Variants in DOCK1 observed in about 807,000 individuals in gnomAD.
The protein encoded by DOCK1 is dedicator of cytokinesis 1, also known as dedicator of cytokinesis protein 1.
A neutral mutation model predicts 262.7 loss-of-function variants in DOCK1; 138 were observed. The observed-to-expected ratio is 0.53, with a 90% confidence interval of 0.46 to 0.61. DOCK1 has a LOEUF of 0.61. DOCK1 is among the 20% of genes least tolerant of loss of function. The pLI is 0.00. For missense variants in DOCK1, 1,908 were observed against 2,370.7 expected (o/e 0.80, Z 4.05); for synonymous variants, 866 against 867.4 (o/e 1.00, Z 0.03).
At chr10:127,164,947 C>T (rs1420265249) in intron 27 of DOCK1, among the ~76,000 whole-genome samples, 4 of 151,918 alleles carry the variant, frequency 2.6e-5, no homozygotes, top group African/African-American at 4.8e-5. Flanking sequence ...CAGCTGAGGC[C>T]GAGTTGATTA....
At chr10:126,975,682 T>C (rs1028159357) in intron 2 of DOCK1, among the ~76,000 whole-genome samples, 1 of 151,578 alleles carries the variant, frequency 6.6e-6, no homozygotes, top group Admixed American at 6.6e-5. Flanking sequence ...TGGAGTGCAG[T>C]GGCATGATCT....
chr10:127,255,228 C>T (rs2059790019), intron 28 of DOCK1, among the ~76,000 whole-genome samples: 1 of 151,918 alleles, frequency 6.6e-6, no homozygotes, highest in African/African-American at 2.4e-5. Context: ...AGCAAGATGC[C>T]ATTTCTACTA....
Position 126,941,677 on chromosome 10 carries a change from C to A in DOCK1, c.47-29025C>A, listed in dbSNP as rs1032909077. Among the ~76,000 whole-genome samples, 6 of 152,036 alleles carry A rather than the reference C, an allele frequency of 3.9e-5. No individual in the cohort carries two copies. The East Asian group carries it at 5.9e-4, about 15-fold the overall frequency. On this transcript the variant is annotated intron_variant, in intron 1 of 51. Coordinates refer to ENST00000623213, the MANE Select transcript of DOCK1 (RefSeq NM_001290223.2). ...GGCTGAGGCAGGAGAATGGCGTGAACCCGGGAGGCGGAGCTTGCAGTGAGC... is the reference window on the plus strand; with the variant it reads ...GGCTGAGGCAGGAGAATGGCGTGAAACCGGGAGGCGGAGCTTGCAGTGAGC...
intron 27 of DOCK1, among the ~76,000 whole-genome samples, chr10:127,163,799 CTTT>C (rs531750560): frequency 1.3e-4 from 17 of 129,172 alleles, no homozygotes; most frequent in South Asian, 2.5e-4. Flanking sequence ...TAAAGCCTTC[CTTT>C]TTTTTTTTTT....
At chr10:127,318,471 G>A (rs2062379059) in intron 29 of DOCK1, among the ~76,000 whole-genome samples, 1 of 152,194 alleles carries the variant, frequency 6.6e-6, no homozygotes, top group Non-Finnish European at 1.5e-5. Context: ...TGTGCAGGAG[G>A]CAGTAGCCTC....
At chr10:127,255,623 C>T (rs1277576921) in intron 28 of DOCK1, among the ~76,000 whole-genome samples, 2 of 152,156 alleles carry the variant, frequency 1.3e-5, no homozygotes, top group African/African-American at 2.4e-5. Flanking sequence ...CCACTAGATG[C>T]AGCATTTTGT....
chr10:126,948,711 G>C (rs937788237), intron 1 of DOCK1, among the ~76,000 whole-genome samples: 3 of 151,976 alleles, frequency 2.0e-5, no homozygotes, highest in Non-Finnish European at 4.4e-5. Flanking sequence ...CCTGTGATGC[G>C]GGCGCCCAGC....
chr10:127,145,875 G>T lies in DOCK1; in HGVS notation c.2847+18111G>T, dbSNP rs200519949. ...CATTAGCTGCTTGTGTGTGTCATCT[G>T]GTGTCACCAGTGACCGGTCTAAACG... On this transcript the variant is annotated intron_variant, in intron 27 of 51. Transcript: ENST00000623213. 32 of 409,518 alleles carry T rather than the reference G, an allele frequency of 7.8e-5. No individual in the cohort carries two copies. In the East Asian group the frequency reaches 1.7e-3, roughly 22 times the overall value. The allele number at this position is 409,518 out of a possible 1,614,324, so 25.4% of individuals were successfully genotyped here. A position where few individuals can be genotyped will look rare whatever the true frequency, so the allele number is the denominator to read the frequency against.
chr10:126,986,986 C>G (rs1434291085), intron 4 of DOCK1, among the ~76,000 whole-genome samples: 1 of 152,154 alleles, frequency 6.6e-6, no homozygotes, highest in Non-Finnish European at 1.5e-5. Flanking sequence ...AGAGTTTAAT[C>G]AGAGTTGGCA....
chr10:127,375,938 G>A (rs987968369), intron 35 of DOCK1, among the ~76,000 whole-genome samples: 7 of 152,246 alleles, frequency 4.6e-5, no homozygotes, highest in African/African-American at 1.4e-4. Context: ...AGAAACAGGA[G>A]GATACAGAGA....
chr10:126,986,691 C>A (rs2039417368), intron 4 of DOCK1, among the ~76,000 whole-genome samples: 1 of 152,176 alleles, frequency 6.6e-6, no homozygotes, highest in South Asian at 2.1e-4. Flanking sequence ...GGGAGTATCA[C>A]CTGAAGTCAG....
chr10:127,008,957 G>T (rs1000850623), intron 11 of DOCK1, among the ~76,000 whole-genome samples, 153 bp downstream of exon 11: 1 of 152,252 alleles, frequency 6.6e-6, no homozygotes, highest in African/African-American at 2.4e-5. Context: ...GTAGTACATG[G>T]AATTTTTTGT....
chr10:127,332,612 A>G (rs1481803262), intron 29 of DOCK1, among the ~76,000 whole-genome samples: 1 of 152,144 alleles, frequency 6.6e-6, no homozygotes, highest in Non-Finnish European at 1.5e-5. Context: ...TTCTAGTGAC[A>G]TTGGTCTTCC....
intron 27 of DOCK1, among the ~76,000 whole-genome samples, chr10:127,217,993 G>A (rs2134405930): frequency 6.6e-6 from 1 of 152,024 alleles, no homozygotes; most frequent in Middle Eastern, 3.4e-3. Flanking sequence ...CCTTGTTGAG[G>A]ATCAGATGGT....
chr10:126,994,035 T>C (rs1268429477), intron 6 of DOCK1, among the ~76,000 whole-genome samples: 1 of 152,222 alleles, frequency 6.6e-6, no homozygotes. Context: ...TGTTTCCTTT[T>C]TCATATTGTT....
chr10:127,402,714 GCT>G (rs1396755989), intron 38 of DOCK1: 1 of 534,764 alleles, frequency 1.9e-6, no homozygotes, highest in South Asian at 1.4e-5. Context: ...CTTTTCCCTG[GCT>G]CCAAGGCTGC....
chr10:127,146,626 C>G (rs1439158466), intron 27 of DOCK1, among the ~76,000 whole-genome samples: 1 of 152,160 alleles, frequency 6.6e-6, no homozygotes, highest in Non-Finnish European at 1.5e-5. Flanking sequence ...CCCTGTCACT[C>G]ACCATAAATA....
chr10:127,351,755 C>A (rs2063890749), intron 31 of DOCK1, among the ~76,000 whole-genome samples: 1 of 152,104 alleles, frequency 6.6e-6, no homozygotes, highest in African/African-American at 2.4e-5. Context: ...GCTTGGGAAG[C>A]CCCCTTGAGG....
chr10:126,948,932 C>T (rs1317828210), intron 1 of DOCK1, among the ~76,000 whole-genome samples: 2 of 152,262 alleles, frequency 1.3e-5, no homozygotes, highest in African/African-American at 2.4e-5. Context: ...TGGTTGTATG[C>T]CTGGGCCCCG....
Sources: gnomAD v4.1 joint callset for allele counts (sites outside exome capture counted in the v4.1 genomes callset) on GRCh38, gnomAD v4.1.1 for gene constraint, MANE v1.5 for transcripts, NCBI Gene and HGNC (gene_info 2026-07-23, HGNC 2026-07-21) for gene names.